The following PGBD2 variants were observed in gnomAD, a reference collection of about 807,000 sequenced individuals.
The protein encoded by PGBD2 is piggyBac transposable element derived 2.
In PGBD2, 6 loss-of-function variants were observed where a neutral mutation model predicts 8.1. The observed-to-expected ratio is 0.74, with a 90% CI of 0.40 to 1.46. The LOEUF (loss-of-function observed/expected upper bound fraction) is 1.46. Ranked by LOEUF, PGBD2 falls within the 40% of genes most tolerant of loss-of-function variation. PGBD2 has a pLI of 0.02. For missense variants in PGBD2, 802 were observed against 739.0 expected, an observed-to-expected ratio of 1.09 and a Z score of -0.99; for synonymous variants, 318 against 272.2, an observed-to-expected ratio of 1.17 and a Z score of -1.66.
the PGBD2 span, among the ~76,000 whole-genome samples, chr1:248,900,290 A>C: frequency 6.6e-6 from 1 of 152,200 alleles, no homozygotes; most frequent in Non-Finnish European, 1.5e-5. Flanking sequence ...ACAACAACAA[A>C]AAAACAGAAA....
In PGBD2 at chr1:248,917,006, C is replaced by A; in HGVS notation, c.422C>A (p.Pro141His). 1 of 1,613,686 alleles carries A rather than the reference C, an allele frequency of 6.2e-7. No homozygotes were observed. The highest frequency in any genetic ancestry group is 8.5e-7 in the Non-Finnish European group (1 of 1,179,966). The change falls in exon 3 of 3, where the codon CCC becomes CAC. Residue 141 changes from proline (P) to histidine (H), a missense_variant. Pro to His is a moderately conservative substitution (Grantham distance 77). Coordinates refer to ENST00000329291, the MANE Select transcript of PGBD2 (RefSeq NM_170725.3). ...GATCTGAAAAGCCAAGAGCTGAGTC[C>A]CGTGGGCCTTTTTGAGTTGTTTTTT... is the stretch of plus-strand genomic sequence containing the variant. Reference protein sequence around the residue: ...IEDLKSQELSPVGLFELFFDE... With the variant: ...IEDLKSQELSHVGLFELFFDE...
chr1:248,879,146 G>T, the PGBD2 span, among the ~76,000 whole-genome samples: 2 of 152,168 alleles, frequency 1.3e-5, no homozygotes, highest in East Asian at 3.8e-4. Flanking sequence ...TTTGTAGAGC[G>T]TAAGCTGCTC....
At chr1:248,916,145 G>T (rs1662088484) in intron 2 of PGBD2, among the ~76,000 whole-genome samples, 1 of 152,206 alleles carries the variant, frequency 6.6e-6, no homozygotes, top group African/African-American at 2.4e-5. Flanking sequence ...CGGGTGCCAT[G>T]GCTCACGCCT....
At chr1:248,874,139 G>T in the PGBD2 span, among the ~76,000 whole-genome samples, 2 of 152,168 alleles carry the variant, frequency 1.3e-5, no homozygotes, top group Non-Finnish European at 2.9e-5. Context: ...GAAGCAGTCT[G>T]CATATTCCCA....
chr1:248,904,074 G>GTT (rs11389084), upstream of PGBD2, among the ~76,000 whole-genome samples: 473 of 148,534 alleles, frequency 3.2e-3, 5 homozygotes, highest in African/African-American at 0.01. Flanking sequence ...TTCTTTTTAT[G>GTT]TTTTTTTTTT....
At chr1:248,873,302 C>T in the PGBD2 span, among the ~76,000 whole-genome samples, 1 of 152,244 alleles carries the variant, frequency 6.6e-6, no homozygotes, top group Non-Finnish European at 1.5e-5. Context: ...AGGCCCGCAT[C>T]AGGCCCCTCT....
the PGBD2 span, among the ~76,000 whole-genome samples, chr1:248,890,278 G>A: frequency 9.2e-4 from 140 of 152,100 alleles, no homozygotes; most frequent in Non-Finnish European, 5.9e-4. Context: ...CCCTAACTAG[G>A]TCAGAAGTCC....
chr1:248,901,606 G>C (rs1019585001), upstream of PGBD2, among the ~76,000 whole-genome samples: 2 of 152,044 alleles, frequency 1.3e-5, no homozygotes, highest in Non-Finnish European at 2.9e-5. Flanking sequence ...TGGATTAAAG[G>C]CTTAAATGTA....
At chr1:248,924,498 A>T (rs1662346672), downstream of PGBD2, among the ~76,000 whole-genome samples, 1 of 152,224 alleles carries the variant, frequency 6.6e-6, no homozygotes, top group Non-Finnish European at 1.5e-5. Context: ...AGACTTCTCA[A>T]TTTCATTAAA....
At chr1:248,877,988 G>T in the PGBD2 span, among the ~76,000 whole-genome samples, 70,568 of 152,074 alleles carry the variant, frequency 0.46, 19,826 homozygotes, top group Middle Eastern at 0.65. Context: ...CAGAAAGTGT[G>T]GTAACAAACC....
chr1:248,876,914 T>A, the PGBD2 span, among the ~76,000 whole-genome samples: 1 of 152,232 alleles, frequency 6.6e-6, no homozygotes, highest in Non-Finnish European at 1.5e-5. Flanking sequence ...AATGTGCTAA[T>A]AATCTCTGTC....
chr1:248,916,636 G>C lies in PGBD2; in HGVS notation c.52G>C (p.Val18Leu). 6.2e-7 allele frequency: 1 copy of C among 1,614,134 alleles called. No individual in the cohort carries two copies. The highest frequency in any genetic ancestry group is 8.5e-7 in the Non-Finnish European group (1 of 1,180,000). ...TGCTGGGAGAGGTATCCACTCAAAG[G>C]TGAAGTCTGCAAAGCTGCTTGAGGT... is the stretch of plus-strand genomic sequence containing the variant. ...VIAGRGIHSK[V>L]KSAKLLEVLN... Residue 18 changes from valine to leucine, a missense_variant, in exon 3 of 3, where the codon GTG (valine) becomes CTG (leucine). Transcript: ENST00000329291.
At chr1:248,874,327 G>GTT in the PGBD2 span, among the ~76,000 whole-genome samples, 1 of 152,288 alleles carries the variant, frequency 6.6e-6, no homozygotes, top group Non-Finnish European at 1.5e-5. Context: ...AAAGTAAGCC[G>GTT]TTTTAAAAAC....
At chr1:248,907,798 G>C (rs561031850) in intron 1 of PGBD2, among the ~76,000 whole-genome samples, 22 of 152,196 alleles carry the variant, frequency 1.4e-4, no homozygotes, top group Non-Finnish European at 2.8e-4. Flanking sequence ...CAGATTAAGA[G>C]CATCTCAGGG....
At chr1:248,909,244 C>T (rs1404854859) in intron 1 of PGBD2, among the ~76,000 whole-genome samples, 1 of 152,152 alleles carries the variant, frequency 6.6e-6, no homozygotes, top group African/African-American at 2.4e-5. Flanking sequence ...CTGGGGAGCA[C>T]AGTCTACAGA....
chr1:248,879,151 C>T, the PGBD2 span, among the ~76,000 whole-genome samples: 2 of 152,216 alleles, frequency 1.3e-5, no homozygotes, highest in African/African-American at 2.4e-5. Context: ...AGAGCGTAAG[C>T]TGCTCACAGC....
At chr1:248,912,800 ATTTTTTTTTTT>A (rs749233440) in intron 1 of PGBD2, 1 of 128,098 alleles carries the variant, frequency 7.8e-6, no homozygotes, top group East Asian at 2.2e-4. Context: ...GAGCGCTCAG[ATTTTTTTTTTT>A]TTTTTTTTTG....
the PGBD2 span, among the ~76,000 whole-genome samples, chr1:248,927,468 A>C: frequency 6.6e-6 from 1 of 152,262 alleles, no homozygotes; most frequent in South Asian, 2.1e-4. Flanking sequence ...AACAAGAGTC[A>C]GCAAATATTT....
At chr1:248,889,029 A>C in the PGBD2 span, among the ~76,000 whole-genome samples, 1 of 151,858 alleles carries the variant, frequency 6.6e-6, no homozygotes, top group Middle Eastern at 3.4e-3. Context: ...ATGCATTCTA[A>C]GTGTTTCTTA....
Sources: allele counts gnomAD v4.1 joint callset (sites outside exome capture counted in the v4.1 genomes callset), GRCh38; gene constraint gnomAD v4.1.1; transcripts MANE v1.5; gene names NCBI Gene and HGNC (gene_info 2026-07-23, HGNC 2026-07-21).